The following CTNNA3 variants were observed in gnomAD, a reference collection of about 807,000 sequenced individuals.
CTNNA3 encodes catenin alpha-3.
Under a neutral mutation model 95.7 loss-of-function variants are expected in CTNNA3, and 76 were observed. The observed-to-expected ratio is 0.79, with a 90% CI of 0.66 to 0.96. The LOEUF (loss-of-function observed/expected upper bound fraction) is 0.96, where lower values mean the gene tolerates loss of function less well. Ranked by LOEUF, CTNNA3 falls within the 40% of genes least tolerant of loss-of-function variation. The probability of loss-of-function intolerance (pLI) is 0.00; values close to 1 mark genes in which losing one functional copy is unlikely to be tolerated. For missense variants in CTNNA3, 1,191 were observed against 1,089.8 expected, an observed-to-expected ratio of 1.09 and a Z score of -1.31; for synonymous variants, 431 against 374.4, an observed-to-expected ratio of 1.15 and a Z score of -1.74.
intron 13 of CTNNA3, among the ~76,000 whole-genome samples, chr10:66,264,810 C>T (rs1247369712): frequency 6.6e-6 from 1 of 151,904 alleles, no homozygotes. Context: ...CAATAACATA[C>T]TTCCTATGGA....
intron 7 of CTNNA3, among the ~76,000 whole-genome samples, chr10:66,950,271 C>T (rs1001993243): frequency 1.1e-4 from 17 of 151,978 alleles, no homozygotes; most frequent in Non-Finnish European, 2.2e-4. Flanking sequence ...ACTTCTATAG[C>T]CATTAAAATT....
chr10:67,080,255 T>C (rs556808634), intron 7 of CTNNA3, among the ~76,000 whole-genome samples: 1 of 152,334 alleles, frequency 6.6e-6, no homozygotes, highest in South Asian at 2.1e-4. Context: ...ATGGTATTTT[T>C]CCATTTATTT....
intron 5 of CTNNA3, among the ~76,000 whole-genome samples, chr10:67,316,844 A>G (rs1841073550): frequency 6.6e-6 from 1 of 152,204 alleles, no homozygotes; most frequent in Non-Finnish European, 1.5e-5. Flanking sequence ...TATACTTCCA[A>G]ATCCATATAA....
At chr10:67,676,964 T>C (rs1431174418) in intron 1 of CTNNA3, among the ~76,000 whole-genome samples, 3 of 152,140 alleles carry the variant, frequency 2.0e-5, no homozygotes, top group Non-Finnish European at 4.4e-5. Flanking sequence ...TAGCAAATTT[T>C]AGTCAGTACT....
intron 5 of CTNNA3, among the ~76,000 whole-genome samples, chr10:67,361,319 T>C (rs145428404): frequency 0.011 from 1,625 of 152,246 alleles, 25 homozygotes; most frequent in African/African-American, 0.033. Flanking sequence ...AACCACAGAA[T>C]ATACATTCTT....
chr10:65,997,144 TGTCTCATA>T (rs1341786606), intron 15 of CTNNA3, among the ~76,000 whole-genome samples: 5 of 152,230 alleles, frequency 3.3e-5, no homozygotes, highest in African/African-American at 1.2e-4. Flanking sequence ...TCTTCTCGTT[TGTCTCATA>T]GTGGTTCTCC....
At chr10:67,225,005 A>C (rs1364676932) in intron 5 of CTNNA3, among the ~76,000 whole-genome samples, 2 of 152,148 alleles carry the variant, frequency 1.3e-5, no homozygotes, top group Non-Finnish European at 2.9e-5. Flanking sequence ...CTTGCCCACC[A>C]CCTGGAAACA....
At position 66,520,817 on chromosome 10, in the gene CTNNA3, T is replaced by G. The variant is rs371582706; in HGVS notation, c.1375-44A>C. ...AAAAAATTACCTATTGGTTGCAATG[T>G]TCACTATTTGGGTGATGGGCACACT... On this transcript the variant is annotated intron_variant, in intron 10 of 17. Coordinates refer to ENST00000433211, the MANE Select transcript of CTNNA3 (RefSeq NM_013266.4). 2.0e-6 allele frequency: 3 copies of G among 1,537,320 alleles called. No homozygotes were observed. The African/African-American group carries it at 4.1e-5, about 21-fold the overall frequency.
upstream of CTNNA3, among the ~76,000 whole-genome samples, chr10:67,700,716 C>G (rs547293021): frequency 2.0e-5 from 3 of 152,246 alleles, no homozygotes; most frequent in East Asian, 1.9e-4. Flanking sequence ...AAAAGCAGAG[C>G]GCCTCTCCTC....
At chr10:66,690,978 G>A (rs969566889) in intron 9 of CTNNA3, among the ~76,000 whole-genome samples, 1 of 152,140 alleles carries the variant, frequency 6.6e-6, no homozygotes, top group Non-Finnish European at 1.5e-5. Flanking sequence ...ATCCTCTCCA[G>A]CCAAGATGGC....
chr10:67,081,150 G>A (rs1857040131), intron 7 of CTNNA3, among the ~76,000 whole-genome samples: 1 of 152,054 alleles, frequency 6.6e-6, no homozygotes, highest in South Asian at 2.1e-4. Context: ...ATACATTTTT[G>A]AGCACATCAA....
chr10:66,232,104 A>C (rs947485456), intron 13 of CTNNA3, among the ~76,000 whole-genome samples: 1 of 152,190 alleles, frequency 6.6e-6, no homozygotes, highest in Non-Finnish European at 1.5e-5. Flanking sequence ...TCCTAAAGAG[A>C]GTAATAACTT....
intron 1 of CTNNA3, among the ~76,000 whole-genome samples, chr10:67,668,688 A>G (rs1840373694): frequency 6.6e-6 from 1 of 152,106 alleles, no homozygotes; most frequent in Non-Finnish European, 1.5e-5. Context: ...ACAAGATCTC[A>G]TTGTGCTACT....
At chr10:67,348,312 G>A (rs1039017031) in intron 5 of CTNNA3, among the ~76,000 whole-genome samples, 3 of 152,104 alleles carry the variant, frequency 2.0e-5, no homozygotes, top group African/African-American at 7.2e-5. Flanking sequence ...CACATCAAAG[G>A]AGAAAGCTTC....
chr10:66,238,235 G>A (rs1358136228), intron 13 of CTNNA3, among the ~76,000 whole-genome samples: 2 of 151,872 alleles, frequency 1.3e-5, no homozygotes, highest in Non-Finnish European at 2.9e-5. Context: ...GGCGGGGAGA[G>A]GGGTACATCA....
At chr10:67,154,245 T>A (rs1053692989) in intron 7 of CTNNA3, among the ~76,000 whole-genome samples, 1 of 152,194 alleles carries the variant, frequency 6.6e-6, no homozygotes, top group South Asian at 2.1e-4. Flanking sequence ...AATATATGAA[T>A]AACCTTCATT....
intron 1 of CTNNA3, among the ~76,000 whole-genome samples, chr10:67,728,401 T>TAC (rs1423751538): frequency 6.7e-6 from 1 of 148,988 alleles, no homozygotes; most frequent in Non-Finnish European, 1.5e-5. Flanking sequence ...TATATATATA[T>TAC]ACATAATATA....
At chr10:66,260,510 C>G (rs1487965412) in intron 13 of CTNNA3, among the ~76,000 whole-genome samples, 1 of 152,020 alleles carries the variant, frequency 6.6e-6, no homozygotes, top group Non-Finnish European at 1.5e-5. Flanking sequence ...ATCTGTATGC[C>G]CTTTCTCCAA....
At chr10:66,716,104 G>A (rs946447972) in intron 9 of CTNNA3, among the ~76,000 whole-genome samples, 1 of 152,014 alleles carries the variant, frequency 6.6e-6, no homozygotes, top group African/African-American at 2.4e-5. Context: ...AGAATTGGTA[G>A]CACACTTCAT....
Sources: gnomAD v4.1 joint callset for allele counts (sites outside exome capture counted in the v4.1 genomes callset) on GRCh38, gnomAD v4.1.1 for gene constraint, MANE v1.5 for transcripts, NCBI Gene and HGNC (gene_info 2026-07-23, HGNC 2026-07-21) for gene names.